The following TPP2 variants were observed in gnomAD, a reference collection of about 807,000 sequenced individuals.
TPP2 encodes the protein tripeptidyl peptidase 2.
TPP2 carries 34 observed loss-of-function variants against 155.9 expected under a neutral mutation model. The observed-to-expected ratio is 0.22, with a 90% CI of 0.17 to 0.29. TPP2 has a LOEUF of 0.29. TPP2 is among the 10% of genes least tolerant of loss of function. The probability of loss-of-function intolerance (pLI) is 1.00; values close to 1 mark genes in which losing one functional copy is unlikely to be tolerated. For synonymous variants in TPP2, 510 were observed against 529.4 expected (o/e 0.96, Z 0.50); for missense variants, 1,028 against 1,522.3 (o/e 0.68, Z 5.40).
chr13:102,633,103 A>G (rs987701367), intron 10 of TPP2, among the ~76,000 whole-genome samples: 12 of 152,268 alleles, frequency 7.9e-5, no homozygotes, highest in Admixed American at 2.6e-4. Context: ...CTCTGTGGGG[A>G]ATGTATGGCC....
At chr13:102,643,973 C>G (rs1483751511) in intron 17 of TPP2, among the ~76,000 whole-genome samples, 2 of 152,176 alleles carry the variant, frequency 1.3e-5, no homozygotes, top group African/African-American at 2.4e-5. Flanking sequence ...TTGTGTTCTT[C>G]CATGGATCAG....
intron 2 of TPP2, among the ~76,000 whole-genome samples, chr13:102,610,786 T>G (rs1299507081): frequency 6.6e-6 from 1 of 152,170 alleles, no homozygotes; most frequent in Non-Finnish European, 1.5e-5. Context: ...AACCTTTTAT[T>G]GCAAAATATA....
At position 102,649,444 on chromosome 13, in the gene TPP2, AG is replaced by A. The variant is rs1164688037; in HGVS notation, c.2912del (p.Gly971AspfsTer3). 1 of 1,613,168 alleles carries A rather than the reference AG, an allele frequency of 6.2e-7. No individual in the cohort carries two copies. The highest frequency in any genetic ancestry group is 1.1e-5 in the South Asian group (1 of 90,928). On this transcript the variant is annotated frameshift_variant, in exon 23 of 30. Coordinates refer to ENST00000376052, the MANE Select transcript of TPP2 (RefSeq NM_001330588.2). LOFTEE classifies it high-confidence loss of function. The part of the protein sequence containing the change: ...KGAGPGCYLA[G>X]SLTLSKTELG... Reference sequence around the variant, plus strand: ...GGGCAGGACCTGGATGCTATCTTGCAGGATCCTTAACATTGTCAAAGACTGA... The same window carrying A: ...GGGCAGGACCTGGATGCTATCTTGCAGATCCTTAACATTGTCAAAGACTGA...
chr13:102,638,150 T>C (rs1234602216), intron 14 of TPP2, 89 bp from the exon 15 acceptor site: 2 of 1,233,790 alleles, frequency 1.6e-6, no homozygotes, highest in East Asian at 2.4e-5. Context: ...TAAAAGTAGA[T>C]TGATTTATTC....
At chr13:102,636,785 G>A (rs1566345009) in intron 13 of TPP2, among the ~76,000 whole-genome samples, 1 of 152,284 alleles carries the variant, frequency 6.6e-6, no homozygotes, top group East Asian at 1.9e-4. Context: ...AATAATCATC[G>A]CTATTATCTG....
At chr13:102,622,058 T>C (rs1049313807) in intron 5 of TPP2, among the ~76,000 whole-genome samples, 5 of 152,220 alleles carry the variant, frequency 3.3e-5, no homozygotes, top group African/African-American at 7.2e-5. Context: ...TTAAGAATCC[T>C]TTTTTCCAAA....
Position 102,664,960 on chromosome 13 carries a change from A to G in TPP2, c.3371+35A>G, listed in dbSNP as rs140007823. 6.2e-6 allele frequency: 10 copies of G among 1,602,018 alleles called. No individual in the cohort carries two copies. The African/African-American group carries it at 8.1e-5, about 13-fold the overall frequency. On this transcript the variant is annotated intron_variant, in intron 27 of 29. Transcript: ENST00000376052. Reference sequence around the variant, plus strand: ...CAGTAAATAATCTTTCTTGCATCTCATTTCCTAGTTAACTTGTTTAAAAAG... The same window carrying G: ...CAGTAAATAATCTTTCTTGCATCTCGTTTCCTAGTTAACTTGTTTAAAAAG...
chr13:102,638,783 TGGAACCAA>T (rs66839076), intron 15 of TPP2, among the ~76,000 whole-genome samples: 74,728 of 151,548 alleles, frequency 0.49, 18,770 homozygotes, highest in African/African-American at 0.6. Context: ...CTTATTCCTC[TGGAACCAA>T]GGAAAAATCA....
intron 27 of TPP2, among the ~76,000 whole-genome samples, chr13:102,669,883 T>A: frequency 6.6e-6 from 1 of 152,134 alleles, no homozygotes; most frequent in East Asian, 1.9e-4. Context: ...ATCCACCGAT[T>A]GCTGAAATCA....
intron 16 of TPP2, among the ~76,000 whole-genome samples, chr13:102,641,298 C>T (rs569515600): frequency 1.3e-5 from 2 of 152,276 alleles, no homozygotes; most frequent in African/African-American, 4.8e-5. Flanking sequence ...TAGAAGGAAG[C>T]AAATACGGGC....
intron 3 of TPP2, among the ~76,000 whole-genome samples, chr13:102,616,190 C>G (rs1453500879): frequency 2.0e-5 from 3 of 152,190 alleles, no homozygotes; most frequent in Non-Finnish European, 2.9e-5. Context: ...CTCCTCACCT[C>G]AGGTGATCCG....
intron 10 of TPP2, 90 bp downstream of exon 10, chr13:102,630,285 T>G: frequency 3.2e-6 from 3 of 926,256 alleles, no homozygotes; most frequent in Non-Finnish European, 3.2e-6. Flanking sequence ...AGTTTGCTAG[T>G]TTTTTTCTGT....
intron 24 of TPP2, among the ~76,000 whole-genome samples, chr13:102,655,710 C>T (rs2139567446): frequency 6.6e-6 from 1 of 152,292 alleles, no homozygotes; most frequent in Non-Finnish European, 1.5e-5. Context: ...TCTCCTCCAG[C>T]CTGGACTGCT....
chr13:102,624,249 G>A (rs1881393134), intron 6 of TPP2, among the ~76,000 whole-genome samples: 1 of 152,126 alleles, frequency 6.6e-6, no homozygotes, highest in African/African-American at 2.4e-5. Context: ...CCAGGATGGT[G>A]GCTACTTCTG....
At chr13:102,671,283 A>T (rs1884965993) in intron 27 of TPP2, among the ~76,000 whole-genome samples, 1 of 152,216 alleles carries the variant, frequency 6.6e-6, no homozygotes, top group Non-Finnish European at 1.5e-5. Context: ...CCCGTAAGTC[A>T]TGCAAAAGTC....
intron 1 of TPP2, among the ~76,000 whole-genome samples, chr13:102,601,461 T>A (rs1369822118): frequency 2.0e-5 from 3 of 152,242 alleles, no homozygotes; most frequent in Non-Finnish European, 4.4e-5. Context: ...TCTACCTTAC[T>A]GGTTACATTG....
Position 102,629,566 on chromosome 13 carries a change from G to A in TPP2, c.1101G>A (p.Leu367=). The A allele has an allele frequency of 6.4e-7, 1 of 1,555,672 alleles. No individual in the cohort carries two copies. The highest frequency in any genetic ancestry group is 8.6e-7 in the Non-Finnish European group (1 of 1,159,856). ...GTGCTGGAAATAATGGTCCATGCCTGTCTACAGTTGGTTGTCCAGGTGGAA... is the reference window on the plus strand; with the variant it reads ...GTGCTGGAAATAATGGTCCATGCCTATCTACAGTTGGTTGTCCAGGTGGAA... ...VSSAGNNGPC[L]STVGCPGGTT... is the part of the protein sequence containing the mutation. The change falls in exon 9 of 30, where the codon CTG becomes CTA. Residue 367 remains leucine (L), a synonymous_variant. Coordinates refer to ENST00000376052, the MANE Select transcript of TPP2 (RefSeq NM_001330588.2).
chr13:102,652,397 CAT>C lies in TPP2; in HGVS notation c.2991+1056_2991+1057del, dbSNP rs10530428. ...CCTGTCTCAAAACAAAACATACATACATATATATATATATATATATATATATA... is the reference window on the plus strand; with the variant it reads ...CCTGTCTCAAAACAAAACATACATACATATATATATATATATATATATATA... On this transcript the variant is annotated intron_variant, in intron 24 of 29. Coordinates refer to ENST00000376052, the MANE Select transcript of TPP2 (RefSeq NM_001330588.2). Among the ~76,000 whole-genome samples the C allele has an allele frequency of 8.1e-4, 101 of 125,228 alleles. 1 individual carries two copies. The highest frequency in any genetic ancestry group is 5.7e-3 in the South Asian group (20 of 3,528). 82.2% of individuals were successfully genotyped at this position (125,228 alleles called of 152,430 possible). A position where few individuals can be genotyped will look rare whatever the true frequency, so the allele number is the denominator to read the frequency against.
intron 11 of TPP2, among the ~76,000 whole-genome samples, chr13:102,634,349 C>A (rs1390520610): frequency 6.6e-6 from 1 of 152,030 alleles, no homozygotes; most frequent in Non-Finnish European, 1.5e-5. Context: ...AACAAAGCAT[C>A]AAAAATAGCT....
Sources: allele counts gnomAD v4.1 joint callset (sites outside exome capture counted in the v4.1 genomes callset), GRCh38; gene constraint gnomAD v4.1.1; transcripts MANE v1.5; gene names NCBI Gene and HGNC (gene_info 2026-07-23, HGNC 2026-07-21).